Variants in PHF24 observed in about 807,000 individuals in gnomAD.
The protein encoded by PHF24 is Galpha inhibitory interacting protein.
Under a neutral mutation model 42.6 loss-of-function variants are expected in PHF24, and 25 were observed. That is an observed-to-expected ratio of 0.59 (90% CI 0.43 to 0.82). PHF24 has a LOEUF of 0.82. Ranked by LOEUF, PHF24 falls within the 40% of genes least tolerant of loss-of-function variation. PHF24 has a pLI of 0.00. For missense variants in PHF24, 470 were observed against 538.1 expected (o/e 0.87, Z 1.25); for synonymous variants, 185 against 204.8 (o/e 0.90, Z 0.83).
At chr9:34,830,083 T>C in the PHF24 span, among the ~76,000 whole-genome samples, 4 of 152,166 alleles carry the variant, frequency 2.6e-5, no homozygotes, top group Admixed American at 2.6e-4. Context: ...ATTATCCCAT[T>C]TTGCCAGATC....
chr9:34,795,506 T>C, the PHF24 span, among the ~76,000 whole-genome samples: 1 of 151,996 alleles, frequency 6.6e-6, no homozygotes, highest in Non-Finnish European at 1.5e-5. Context: ...CTTAGAACAT[T>C]AGGAATGAAG....
the PHF24 span, chr9:34,917,413 C>T: frequency 1.2e-4 from 92 of 768,672 alleles, 2 homozygotes; most frequent in South Asian, 9.9e-4. Context: ...ACATGTATCT[C>T]GTTCCTGCTG....
chr9:34,828,911 T>TTATCTATATCTATATCTGTATCTA, the PHF24 span, among the ~76,000 whole-genome samples: 1 of 143,360 alleles, frequency 7.0e-6, no homozygotes, highest in Non-Finnish European at 1.5e-5. Context: ...TTGCATGGTT[T>TTATCTATATCTATATCTGTATCTA]TATCTATATC....
chr9:34,760,798 C>T, the PHF24 span, among the ~76,000 whole-genome samples: 3 of 152,174 alleles, frequency 2.0e-5, no homozygotes, highest in African/African-American at 7.2e-5. Flanking sequence ...TCAAGACCAG[C>T]CTGGGCAACA....
chr9:34,674,727 T>C, the PHF24 span, among the ~76,000 whole-genome samples: 4 of 152,340 alleles, frequency 2.6e-5, no homozygotes, highest in South Asian at 6.2e-4. Context: ...GCTTAAACGA[T>C]TGTAGTGTGT....
chr9:34,848,929 T>C, the PHF24 span, among the ~76,000 whole-genome samples: 6,039 of 151,914 alleles, frequency 0.04, 297 homozygotes, highest in African/African-American at 0.11. Flanking sequence ...GTTTCTTAAT[T>C]GTGAGTTCTA....
At chr9:34,838,645 T>C in the PHF24 span, 1 of 536,054 alleles carries the variant, frequency 1.9e-6, no homozygotes, top group Non-Finnish European at 3.4e-6. Flanking sequence ...CCCTCCTGTT[T>C]CATAAGGTAC....
chr9:34,713,158 G>A, the PHF24 span, among the ~76,000 whole-genome samples: 1 of 152,130 alleles, frequency 6.6e-6, no homozygotes, highest in East Asian at 1.9e-4. Flanking sequence ...TGTATTCTTT[G>A]TTTTGTGGGG....
the PHF24 span, among the ~76,000 whole-genome samples, chr9:34,813,456 T>G: frequency 6.6e-6 from 1 of 152,192 alleles, no homozygotes; most frequent in Admixed American, 6.5e-5. Context: ...GATCCTTGCT[T>G]GTGGTCTCAT....
the PHF24 span, among the ~76,000 whole-genome samples, chr9:34,683,585 C>T: frequency 6.6e-6 from 1 of 152,188 alleles, no homozygotes. Context: ...TTCTACATTC[C>T]CTGCAAATAG....
the PHF24 span, among the ~76,000 whole-genome samples, chr9:34,913,914 A>C: frequency 6.6e-6 from 1 of 152,172 alleles, no homozygotes; most frequent in Non-Finnish European, 1.5e-5. Context: ...AGGAGTGTTA[A>C]AAGTTTGTGA....
chr9:34,729,401 C>G, the PHF24 span: 3 of 1,550,762 alleles, frequency 1.9e-6, no homozygotes, highest in East Asian at 4.9e-5. Flanking sequence ...ATCCAACTTC[C>G]CACAGAACAA....
chr9:34,850,308 T>G, the PHF24 span, among the ~76,000 whole-genome samples: 5 of 152,114 alleles, frequency 3.3e-5, no homozygotes, highest in African/African-American at 1.2e-4. Context: ...TTTCTTTTTA[T>G]TCTTTTTTCT....
At chr9:34,913,958 A>G in the PHF24 span, among the ~76,000 whole-genome samples, 12 of 152,324 alleles carry the variant, frequency 7.9e-5, no homozygotes, top group Admixed American at 7.8e-4. Flanking sequence ...GTCTATTCTT[A>G]TACTTTCAAC....
the PHF24 span, among the ~76,000 whole-genome samples, chr9:34,893,486 A>T: frequency 6.6e-6 from 1 of 152,082 alleles, no homozygotes; most frequent in Admixed American, 6.5e-5. Context: ...CTGTAGTCCC[A>T]GCTACTTGGG....
At chr9:34,728,217 C>T in the PHF24 span, 14 of 710,728 alleles carry the variant, frequency 2.0e-5, no homozygotes, top group Non-Finnish European at 9.4e-6. Flanking sequence ...TAAGGCATGT[C>T]TGAGTACAGC....
chr9:34,949,750 CAGA>C, the PHF24 span, among the ~76,000 whole-genome samples: 2 of 151,822 alleles, frequency 1.3e-5, no homozygotes, highest in Non-Finnish European at 1.5e-5. Flanking sequence ...AACACAGGAA[CAGA>C]AAACCAAACA....
At chr9:34,910,631 G>A in the PHF24 span, among the ~76,000 whole-genome samples, 1 of 152,098 alleles carries the variant, frequency 6.6e-6, no homozygotes, top group Admixed American at 6.5e-5. Context: ...TTATTAAACT[G>A]TTAGGGTTTC....
chr9:34,689,845 G>GGAGGAAGGA, the PHF24 span: 4 of 1,614,046 alleles, frequency 2.5e-6, no homozygotes, highest in Non-Finnish European at 2.5e-6. The surrounding 1 kb of genome is among the most constrained non-coding windows in gnomAD (Gnocchi z 4.1). Context: ...TTCATCTAGA[G>GGAGGAAGGA]GAGGAAGGAG....
Sources: gnomAD v4.1 joint callset for allele counts (sites outside exome capture counted in the v4.1 genomes callset) on GRCh38, gnomAD v4.1.1 for gene constraint, Gnocchi (gnomAD v3.1) non-coding constraint, MANE v1.5 for transcripts, NCBI Gene and HGNC (gene_info 2026-07-23, HGNC 2026-07-21) for gene names.